Variants in CREB5 observed in about 807,000 individuals in gnomAD.
CREB5 encodes cAMP responsive element binding protein 5, also known as cyclic AMP-responsive element-binding protein 5.
In CREB5, 19 loss-of-function variants were observed where a neutral mutation model predicts 57.1. The ratio of observed to expected loss-of-function variants is 0.33; its 90% confidence interval spans 0.23 to 0.49. CREB5 has a LOEUF of 0.49. CREB5 is among the 20% of genes least tolerant of loss of function. The pLI, the probability that CREB5 is intolerant of heterozygous loss-of-function variation, is 0.99. For missense variants in CREB5, 579 were observed against 671.6 expected, an observed-to-expected ratio of 0.86 and a Z score of 1.52; for synonymous variants, 238 against 238.3, an observed-to-expected ratio of 1.00 and a Z score of 0.01.
intron 9 of CREB5, among the ~76,000 whole-genome samples, chr7:28,814,261 A>T (rs999968509): frequency 1.2e-4 from 19 of 152,226 alleles, no homozygotes; most frequent in African/African-American, 4.6e-4. Flanking sequence ...GTCTTTCACT[A>T]TGGAATCCTT....
intron 4 of CREB5, among the ~76,000 whole-genome samples, chr7:28,521,358 A>C (rs921757536): frequency 2.0e-5 from 3 of 152,138 alleles, no homozygotes; most frequent in Admixed American, 6.5e-5. Flanking sequence ...GAGGGTGTGC[A>C]CTGACATTTT....
At chr7:28,319,217 C>T (rs1785441637) in intron 1 of CREB5, among the ~76,000 whole-genome samples, 1 of 151,958 alleles carries the variant, frequency 6.6e-6, no homozygotes. Context: ...ATTACATGGC[C>T]TGTATAGAAG....
intron 1 of CREB5, among the ~76,000 whole-genome samples, chr7:28,371,120 G>A (rs957715426): frequency 3.9e-5 from 6 of 152,208 alleles, no homozygotes; most frequent in African/African-American, 1.4e-4. Context: ...TTCAGAAAGT[G>A]GCAGACAGCG....
chr7:28,685,856 G>A, intron 5 of CREB5: 1 of 334,608 alleles, frequency 3.0e-6, no homozygotes, highest in South Asian at 8.1e-5. Flanking sequence ...CTCCGAGCCT[G>A]GAACTCAGCC....
Position 28,789,952 on chromosome 7 carries a change from T to A in CREB5, c.703-14247T>A, listed in dbSNP as rs1807566116. On this transcript the variant is annotated intron_variant, in intron 7 of 10. Coordinates refer to ENST00000357727, the MANE Select transcript of CREB5 (RefSeq NM_182898.4). ...TTTCCCTCTGTCTGTGTCTGTCCAA[T>A]CTTCCACCCCAAGAACACCAAGGAA... is the stretch of plus-strand genomic sequence containing the variant. Among the ~76,000 whole-genome samples, 3 of 152,238 alleles carry A rather than the reference T, an allele frequency of 2.0e-5. No homozygotes were observed. The South Asian group carries it at 6.2e-4, about 32-fold the overall frequency.
intron 7 of CREB5, among the ~76,000 whole-genome samples, chr7:28,786,925 G>A (rs987936590): frequency 1.3e-5 from 2 of 152,148 alleles, no homozygotes; most frequent in African/African-American, 2.4e-5. Context: ...GGAGAACTTC[G>A]TAGGGTTGGA....
At chr7:28,458,087 G>A (rs999612932) in intron 1 of CREB5, among the ~76,000 whole-genome samples, 7 of 152,278 alleles carry the variant, frequency 4.6e-5, no homozygotes, top group Non-Finnish European at 5.9e-5. Flanking sequence ...GCTCAGAAAC[G>A]GGGGGCCAAG....
At chr7:28,791,101 T>C (rs1807681594) in intron 7 of CREB5, among the ~76,000 whole-genome samples, 1 of 152,198 alleles carries the variant, frequency 6.6e-6, no homozygotes. Context: ...AAGAACCCAC[T>C]TGATAATACC....
intron 1 of CREB5, among the ~76,000 whole-genome samples, chr7:28,468,970 TCTC>T (rs1583500675): frequency 6.6e-6 from 1 of 152,218 alleles, no homozygotes; most frequent in African/African-American, 2.4e-5. Context: ...TACTATGTGA[TCTC>T]CTAGAGACTA....
chr7:28,401,544 C>G (rs1787464483), intron 1 of CREB5, among the ~76,000 whole-genome samples: 1 of 152,132 alleles, frequency 6.6e-6, no homozygotes, highest in South Asian at 2.1e-4. Flanking sequence ...GGTATATCTC[C>G]TAATGCTATC....
chr7:28,495,464 C>T (rs1481354336), intron 3 of CREB5, among the ~76,000 whole-genome samples: 2 of 151,950 alleles, frequency 1.3e-5, no homozygotes, highest in Non-Finnish European at 2.9e-5. Flanking sequence ...ATCGCTTGGA[C>T]CCGGGAGGGG....
intron 5 of CREB5, among the ~76,000 whole-genome samples, chr7:28,679,052 C>CTTTTTTTTTTTTTTT (rs56266854): frequency 8.1e-6 from 1 of 123,866 alleles, no homozygotes; most frequent in Admixed American, 8.8e-5. Context: ...TTTTGTAGTT[C>CTTTTTTTTTTTTTTT]TTTTTTTTTT....
intron 1 of CREB5, among the ~76,000 whole-genome samples, chr7:28,399,719 A>G (rs998571126): frequency 2.6e-5 from 4 of 152,258 alleles, no homozygotes; most frequent in Non-Finnish European, 5.9e-5. Flanking sequence ...GTTTGAGATC[A>G]GCCTGGGCAA....
At chr7:28,561,009 T>TGTGC (rs1562798521) in intron 4 of CREB5, among the ~76,000 whole-genome samples, 7 of 49,280 alleles carry the variant, frequency 1.4e-4, no homozygotes, top group African/African-American at 7.4e-4. Context: ...CGTGTGCGTG[T>TGTGC]GTGTGTGCGT....
chr7:28,347,483 G>A (rs905423609), intron 1 of CREB5, among the ~76,000 whole-genome samples: 9 of 152,302 alleles, frequency 5.9e-5, no homozygotes, highest in African/African-American at 1.9e-4. Context: ...AGTAAGCAGA[G>A]AGGAACTCAT....
chr7:28,774,329 C>T (rs918575760), intron 7 of CREB5, among the ~76,000 whole-genome samples: 5 of 152,156 alleles, frequency 3.3e-5, no homozygotes, highest in Non-Finnish European at 5.9e-5. Context: ...TTTGTCAGGG[C>T]CATGTCACTT....
chr7:28,373,540 A>T (rs1786758160), intron 1 of CREB5, among the ~76,000 whole-genome samples: 1 of 150,120 alleles, frequency 6.7e-6, no homozygotes, highest in South Asian at 2.1e-4. Flanking sequence ...TCTGGGTCTT[A>T]AGCCTTCCAA....
chr7:28,374,650 G>C (rs1312661591), intron 1 of CREB5, among the ~76,000 whole-genome samples: 1 of 152,136 alleles, frequency 6.6e-6, no homozygotes, highest in African/African-American at 2.4e-5. Flanking sequence ...TCTAGAAAAG[G>C]TGTATCTATA....
intron 6 of CREB5, among the ~76,000 whole-genome samples, chr7:28,719,961 G>A (rs752873664): frequency 3.3e-5 from 5 of 152,208 alleles, no homozygotes; most frequent in Non-Finnish European, 7.3e-5. Context: ...TCAGGAAGCT[G>A]AGGCAGGAGA....
Sources: allele counts gnomAD v4.1 joint callset (sites outside exome capture counted in the v4.1 genomes callset), GRCh38; gene constraint gnomAD v4.1.1; transcripts MANE v1.5; gene names NCBI Gene and HGNC (gene_info 2026-07-23, HGNC 2026-07-21).